CPNE8: variants seen among roughly 807,000 people sequenced by gnomAD.
CPNE8 encodes the protein copine-8.
CPNE8 carries 45 observed loss-of-function variants against 81.5 expected under a neutral mutation model. The observed-to-expected ratio is 0.55, with a 90% CI of 0.44 to 0.71. CPNE8 has a LOEUF of 0.71. Among genes scored for constraint, CPNE8 ranks in the 30% least tolerant of loss-of-function variants. The probability of loss-of-function intolerance (pLI) is 0.00; values close to 1 mark genes in which losing one functional copy is unlikely to be tolerated. For missense variants in CPNE8, 594 were observed against 672.1 expected, an observed-to-expected ratio of 0.88 and a Z score of 1.28; for synonymous variants, 252 against 226.3, an observed-to-expected ratio of 1.11 and a Z score of -1.02.
chr12:38,901,252 A>C (rs562842230), intron 1 of CPNE8, among the ~76,000 whole-genome samples: 70 of 152,314 alleles, frequency 4.6e-4, no homozygotes, highest in African/African-American at 1.2e-3. Context: ...TATCACCATT[A>C]TAGGATTATT....
At chr12:38,843,942 A>G (rs1379501942) in intron 4 of CPNE8, among the ~76,000 whole-genome samples, 1 of 152,182 alleles carries the variant, frequency 6.6e-6, no homozygotes, top group Non-Finnish European at 1.5e-5. Flanking sequence ...CCTAACAATT[A>G]ACAGAGTAAG....
At chr12:38,661,957 TC>T (rs1938966311) in intron 19 of CPNE8, among the ~76,000 whole-genome samples, 1 of 149,504 alleles carries the variant, frequency 6.7e-6, no homozygotes, top group South Asian at 2.1e-4. Flanking sequence ...AAATACAACA[TC>T]CCTTCAGGAT....
chr12:38,765,328 T>G (rs1941665336), intron 8 of CPNE8, among the ~76,000 whole-genome samples: 1 of 152,168 alleles, frequency 6.6e-6, no homozygotes, highest in African/African-American at 2.4e-5. Flanking sequence ...TAACTGGTAT[T>G]AAGATACTTT....
At chr12:38,676,911 C>T (rs150058816) in intron 17 of CPNE8, among the ~76,000 whole-genome samples, 33 of 152,034 alleles carry the variant, frequency 2.2e-4, no homozygotes, top group Admixed American at 2.2e-3. Context: ...CTACTTCGTG[C>T]CAAACATTGC....
At chr12:38,856,191 G>A (rs1943731169) in intron 3 of CPNE8, among the ~76,000 whole-genome samples, 1 of 151,986 alleles carries the variant, frequency 6.6e-6, no homozygotes, top group African/African-American at 2.4e-5. Context: ...ATAAGAGATT[G>A]AAGCAGTAAT....
chr12:38,785,143 G>T (rs533814352), intron 6 of CPNE8, among the ~76,000 whole-genome samples: 1 of 150,778 alleles, frequency 6.6e-6, no homozygotes, highest in Non-Finnish European at 1.5e-5. Flanking sequence ...TGCAGAGATC[G>T]TGCCACTGCA....
chr12:38,725,084 A>G (rs530282800), intron 11 of CPNE8, among the ~76,000 whole-genome samples, 185 bp from the exon 12 acceptor site: 1 of 152,304 alleles, frequency 6.6e-6, no homozygotes, highest in East Asian at 1.9e-4. Context: ...GTTAATAGTG[A>G]CTATCTTTTA....
At chr12:38,797,833 C>T (rs1162877754) in intron 6 of CPNE8, among the ~76,000 whole-genome samples, 4 of 152,008 alleles carry the variant, frequency 2.6e-5, no homozygotes, top group Admixed American at 1.3e-4. Flanking sequence ...ACTAGAATAA[C>T]CAATACAGAA....
chr12:38,732,816 C>T (rs967184610), intron 10 of CPNE8, among the ~76,000 whole-genome samples: 4 of 151,928 alleles, frequency 2.6e-5, no homozygotes, highest in African/African-American at 9.7e-5. Context: ...ATAGAACATA[C>T]ATAAATGAAA....
chr12:38,803,636 T>G (rs549166560), intron 6 of CPNE8, among the ~76,000 whole-genome samples: 1 of 144,502 alleles, frequency 6.9e-6, no homozygotes, highest in African/African-American at 2.5e-5. Context: ...CTATTCAACA[T>G]AGTGTTGGAA....
At chr12:38,799,282 C>G in intron 6 of CPNE8, among the ~76,000 whole-genome samples, 1 of 152,056 alleles carries the variant, frequency 6.6e-6, no homozygotes, top group Admixed American at 6.5e-5. Flanking sequence ...CCAAAATTGA[C>G]CACATACTTG....
rs577406430 is a variant in CPNE8 at position 38,808,756 on chromosome 12, T to A, written c.407+20623A>T. 2.7e-5 allele frequency among the ~76,000 whole-genome samples: 4 copies of A among 150,028 alleles called. No individual in the cohort carries two copies. In the South Asian group the frequency reaches 6.3e-4, roughly 24 times the overall value. The stretch of plus-strand genomic sequence containing the variant: ...TACCCTAAAACTTAAAGTATAATAA[T>A]AATAAAATAAAATAAAAAAAAGACT... On this transcript the variant is annotated intron_variant, in intron 6 of 19. Coordinates refer to ENST00000331366, the MANE Select transcript of CPNE8 (RefSeq NM_153634.3).
chr12:38,728,514 T>G (rs1459886740), intron 11 of CPNE8, among the ~76,000 whole-genome samples: 2 of 152,024 alleles, frequency 1.3e-5, no homozygotes, highest in Non-Finnish European at 2.9e-5. Context: ...ATTTTGAAGA[T>G]TTGTCAACTG....
intron 6 of CPNE8, among the ~76,000 whole-genome samples, chr12:38,783,203 G>A (rs985773549): frequency 6.6e-6 from 1 of 152,108 alleles, no homozygotes; most frequent in Admixed American, 6.6e-5. Context: ...GGAAGGCGGA[G>A]CAAGATGATG....
intron 13 of CPNE8, among the ~76,000 whole-genome samples, chr12:38,710,428 A>T (rs1940226761): frequency 6.6e-6 from 1 of 152,092 alleles, no homozygotes; most frequent in African/African-American, 2.4e-5. Context: ...GCCCAGAATC[A>T]CCACTAGCTA....
chr12:38,905,189 C>G (rs1432770051), intron 1 of CPNE8, among the ~76,000 whole-genome samples: 1 of 152,146 alleles, frequency 6.6e-6, no homozygotes, highest in Non-Finnish European at 1.5e-5. Context: ...TGAGTCACAG[C>G]CCAGCCAACT....
Position 38,762,220 on chromosome 12 carries a change from T to C in CPNE8, c.576-4A>G, listed in dbSNP as rs761573633. On this transcript the variant is annotated splice_region_variant and splice_polypyrimidine_tract_variant and intron_variant, in intron 8 of 19. Transcript: ENST00000331366. ...TGTCTTGTGACAAATTGTAAAACTA[T>C]AAAGAAAGAGTTTTCAGTTATTTGC... is the stretch of plus-strand genomic sequence containing the variant. 8 of 1,530,724 alleles carry C rather than the reference T, an allele frequency of 5.2e-6. No individual in the cohort carries two copies. The South Asian group carries it at 8.3e-5, about 16-fold the overall frequency. The allele number at this position is 1,530,724 out of a possible 1,614,324, so 94.8% of individuals were successfully genotyped here.
intron 6 of CPNE8, among the ~76,000 whole-genome samples, chr12:38,797,798 T>C (rs917954816): frequency 6.6e-6 from 1 of 152,024 alleles, no homozygotes; most frequent in Non-Finnish European, 1.5e-5. Context: ...TTAAAAACTT[T>C]GAAAAAAATT....
chr12:38,708,798 A>G (rs1359768901), intron 13 of CPNE8, among the ~76,000 whole-genome samples: 1 of 152,240 alleles, frequency 6.6e-6, no homozygotes, highest in African/African-American at 2.4e-5. Context: ...ACACACATAT[A>G]CACATACAGA....
Sources: allele counts gnomAD v4.1 joint callset (sites outside exome capture counted in the v4.1 genomes callset), GRCh38; gene constraint gnomAD v4.1.1; transcripts MANE v1.5; gene names NCBI Gene and HGNC (gene_info 2026-07-23, HGNC 2026-07-21).